ARHGEF15: variants seen among roughly 807,000 people sequenced by gnomAD.
The protein encoded by ARHGEF15 is Rho guanine nucleotide exchange factor (GEF) 15.
ARHGEF15 carries 58 observed loss-of-function variants against 79.7 expected under a neutral mutation model. The observed-to-expected ratio is 0.73, with a 90% confidence interval of 0.59 to 0.91. The LOEUF (loss-of-function observed/expected upper bound fraction) is 0.91. ARHGEF15 is among the 40% of genes least tolerant of loss of function. The pLI, the probability that ARHGEF15 is intolerant of heterozygous loss-of-function variation, is 0.00. For missense variants in ARHGEF15, 1,012 were observed against 1,108.1 expected (o/e 0.91, Z 1.23); for synonymous variants, 442 against 456.0 (o/e 0.97, Z 0.39).
Position 8,315,257 on chromosome 17 carries a change from C to G in ARHGEF15, c.1240C>G (p.Gln414Glu). 1 of 1,613,244 alleles carries G rather than the reference C, an allele frequency of 6.2e-7. No individual in the cohort carries two copies. The highest frequency in any genetic ancestry group is 8.5e-7 in the Non-Finnish European group (1 of 1,179,896). ...CGGTCTTCTGGATACCCTCAGCCCC[C>G]AGGAGAGGCGCATGCAGGAGGTGGG... ...ASGLLDTLSP[Q>E]ERRMQESLFE... The change falls in exon 6 of 16, where the codon CAG becomes GAG. Residue 414 changes from glutamine to glutamate, a missense_variant. Transcript: ENST00000361926. The surrounding 1 kb of genome is among the most constrained non-coding windows in gnomAD (Gnocchi z 4.3).
chr17:8,312,561 T>A lies in ARHGEF15; in HGVS notation c.522T>A (p.Gly174=). ...RAQDADAPEP[G]LQARADVNGE... is the part of the protein sequence containing the mutation. ...AGGATGCAGATGCCCCGGAGCCAGG[T>A]CTCCAAGCGAGAGCAGATGTGAATG... The change falls in exon 2 of 16, where the codon GGT becomes GGA. Residue 174 remains glycine (G), a synonymous_variant. Transcript: ENST00000361926. 1 of 1,608,262 alleles carries A rather than the reference T, an allele frequency of 6.2e-7. No homozygotes were observed. Among genetic ancestry groups the A allele is most frequent in the Non-Finnish European group, 8.5e-7 (1 of 1,176,864 alleles).
Position 8,320,868 on chromosome 17 carries a change from T to G in ARHGEF15, c.2401T>G (p.Phe801Val). 1 of 1,613,168 alleles carries G rather than the reference T, an allele frequency of 6.2e-7. No individual in the cohort carries two copies. The highest frequency in any genetic ancestry group is 8.5e-7 in the Non-Finnish European group (1 of 1,179,892). Residue 801 changes from phenylalanine (F) to valine (V), a missense_variant, in exon 16 of 16, where the codon TTC becomes GTC. By Grantham distance (50) the Phe-to-Val change is conservative. This residue lies in a region of ARHGEF15 where 132 missense variants were observed against 124.2 expected (regional missense o/e 1.06). Coordinates refer to ENST00000361926, the MANE Select transcript of ARHGEF15 (RefSeq NM_173728.4). ...TTGGCTGAAGGGGCTTCCTGGGGCC[T>G]TCCCTGCCCAGCTGGTGTGTGAAGT... ...EGWLKGLPGAFPAQLVCEVTG... is the reference protein window; with the variant it reads ...EGWLKGLPGAVPAQLVCEVTG...
chr17:8,316,415 C>G (rs544538842), intron 9 of ARHGEF15, among the ~76,000 whole-genome samples: 68 of 152,306 alleles, frequency 4.5e-4, no homozygotes, highest in African/African-American at 1.6e-3. Flanking sequence ...CCACACCTAG[C>G]TCTGCCACTG....
At chr17:8,310,939 G>C (rs2151633469) in intron 1 of ARHGEF15, 1 of 152,364 alleles carries the variant, frequency 6.6e-6, no homozygotes, top group East Asian at 1.9e-4. Flanking sequence ...TACCCGAGAG[G>C]GGGTGGGATC....
chr17:8,315,920 G>C lies in ARHGEF15; in HGVS notation c.1574+13G>C. On this transcript the variant is annotated intron_variant, in intron 8 of 15. Transcript: ENST00000361926. This position sits in a 1 kb window ranked among gnomAD's most constrained non-coding sequence, Gnocchi z 4.3. ...ACAGCCGCCTCATGTGAGTGTCCCA[G>C]GGGTGGGGAGGAAGCTGGGGAGAGG... 2 of 1,607,008 alleles carry C rather than the reference G, an allele frequency of 1.2e-6. No homozygotes were observed. Among genetic ancestry groups the C allele is most frequent in the Non-Finnish European group, 1.7e-6 (2 of 1,179,794 alleles).
chr17:8,315,954 C>T lies in ARHGEF15; in HGVS notation c.1574+47C>T. 1 of 1,601,520 alleles carries T rather than the reference C, an allele frequency of 6.2e-7. No homozygotes were observed. Among genetic ancestry groups the T allele is most frequent in the Non-Finnish European group, 8.5e-7 (1 of 1,178,284 alleles). On this transcript the variant is annotated intron_variant, in intron 8 of 15. Coordinates refer to ENST00000361926, the MANE Select transcript of ARHGEF15 (RefSeq NM_173728.4). The surrounding 1 kb of genome is among the most constrained non-coding windows in gnomAD (Gnocchi z 4.3). ...AGGAAGCTGGGGAGAGGGATGGGAC[C>T]GAGGCCACAGCAGGTTGGGGCACCA... is the stretch of plus-strand genomic sequence containing the variant.
rs1269682242 is a variant in ARHGEF15, at chr17:8,310,348, A to T, written c.-50+5A>T. The T allele has an allele frequency of 1.3e-5, 2 of 152,174 alleles. No individual in the cohort carries two copies. Among genetic ancestry groups the T allele is most frequent in the Non-Finnish European group, 2.9e-5 (2 of 68,068 alleles). The allele number at this position is 152,174 out of a possible 1,614,324, so 9.4% of individuals were successfully genotyped here. The stretch of plus-strand genomic sequence containing the variant: ...ACTGGTTCCAAAAAGATAAAGGTAA[A>T]TTCATGGGGACCTACTGCAGAGTTA... On this transcript the variant is annotated splice_donor_5th_base_variant and intron_variant, in intron 1 of 15. Transcript: ENST00000361926.
Position 8,318,970 on chromosome 17 carries a change from C to A in ARHGEF15, c.2034-37C>A. The stretch of plus-strand genomic sequence containing the variant: ...GTGGGCAGGAGGGGTCCAGCGGGAC[C>A]CCTGCTGTCCTTCTGAACGACCTCA... On this transcript the variant is annotated intron_variant, in intron 12 of 15. Transcript: ENST00000361926. The surrounding 1 kb of genome is among the most constrained non-coding windows in gnomAD (Gnocchi z 5.0). The A allele has an allele frequency of 1.2e-6, 2 of 1,609,630 alleles. No homozygotes were observed. The highest frequency in any genetic ancestry group is 2.2e-5 in the East Asian group (1 of 44,812).
Position 8,312,250 on chromosome 17 carries a change from A to G in ARHGEF15, c.211A>G (p.Lys71Glu). The change falls in exon 2 of 16, where the codon AAG becomes GAG. Residue 71 changes from lysine to glutamate, a missense_variant. Transcript: ENST00000361926. The part of the protein sequence containing the change: ...IFWEPPAASL[K>E]PPALLPPSAS... ...CTGGGAGCCCCCAGCTGCATCCCTC[A>G]AGCCCCCTGCTCTTTTGCCCCCCTC... 7.1e-7 allele frequency: 1 copy of G among 1,412,200 alleles called. No individual in the cohort carries two copies. Among genetic ancestry groups the G allele is most frequent in the Non-Finnish European group, 9.5e-7 (1 of 1,055,136 alleles). The allele number at this position is 1,412,200 out of a possible 1,614,324, so 87.5% of individuals were successfully genotyped here.
In ARHGEF15 at chr17:8,318,384, C is replaced by T; in HGVS notation, c.1705-3C>T. The T allele has an allele frequency of 6.2e-7, 1 of 1,613,546 alleles. No individual in the cohort carries two copies. Among genetic ancestry groups the T allele is most frequent in the Non-Finnish European group, 8.5e-7 (1 of 1,179,904 alleles). The stretch of plus-strand genomic sequence containing the variant: ...CCCAGTCACCCTTCCTCCTTGTCCC[C>T]AGAATATCCTGCGCCAGACAGAAGA... On this transcript the variant is annotated splice_region_variant and splice_polypyrimidine_tract_variant and intron_variant, in intron 9 of 15. Transcript: ENST00000361926. This position sits in a 1 kb window ranked among gnomAD's most constrained non-coding sequence, Gnocchi z 5.0.
chr17:8,319,793 G>A (rs1199087277), intron 15 of ARHGEF15, among the ~76,000 whole-genome samples, 190 bp downstream of exon 15: 1 of 152,052 alleles, frequency 6.6e-6, no homozygotes, highest in Admixed American at 6.6e-5. Context: ...CCACCACCAC[G>A]TCTGGCTAAT....
At chr17:8,311,819 C>T (rs1305200572) in intron 1 of ARHGEF15, among the ~76,000 whole-genome samples, 172 bp from the exon 2 acceptor site, 4 of 152,038 alleles carry the variant, frequency 2.6e-5, no homozygotes, top group Non-Finnish European at 2.9e-5. Flanking sequence ...CACGGACACA[C>T]GGTTCAGTGG....
intron 1 of ARHGEF15, among the ~76,000 whole-genome samples, chr17:8,310,566 G>T (rs146786663): frequency 1.9e-4 from 29 of 152,038 alleles, no homozygotes; most frequent in African/African-American, 6.5e-4. Context: ...TGCCATTGCC[G>T]TCTTGTCCTC....
In ARHGEF15 at chr17:8,319,373, G is replaced by C; in HGVS notation, c.2248G>C (p.Asp750His). The part of the protein sequence containing the change: ...PTPGPLPCSP[D>H]TIYEDCDCSQ... Reference sequence around the variant, plus strand: ...CCCAGGCCCCCTTCCCTGCTCCCCAGACACCATCTATGAGGACTGTGGTGA... The same window carrying C: ...CCCAGGCCCCCTTCCCTGCTCCCCACACACCATCTATGAGGACTGTGGTGA... Residue 750 changes from aspartate (D) to histidine (H), a missense_variant, in exon 14 of 16, where the codon GAC (aspartate) becomes CAC (histidine). By Grantham distance (81) the Asp-to-His change is moderately conservative (BLOSUM62 -1). Transcript: ENST00000361926. 1 of 1,614,022 alleles carries C rather than the reference G, an allele frequency of 6.2e-7. No individual in the cohort carries two copies. Among genetic ancestry groups the C allele is most frequent in the Non-Finnish European group, 8.5e-7 (1 of 1,179,990 alleles).
In ARHGEF15 at chr17:8,320,935, A is replaced by G; in HGVS notation, c.2468A>G (p.Gln823Arg). 6.2e-7 allele frequency: 1 copy of G among 1,614,026 alleles called. No individual in the cohort carries two copies. The highest frequency in any genetic ancestry group is 2.2e-5 in the East Asian group (1 of 44,876). Reference sequence around the variant, plus strand: ...AGGAGGAGGCACCTTCGCCAGAACCAGAGGCTTCTCGAGGCTGTTGGATCT... The same window carrying G: ...AGGAGGAGGCACCTTCGCCAGAACCGGAGGCTTCTCGAGGCTGTTGGATCT... ...HERRRHLRQN[Q>R]RLLEAVGSSS... The change falls in exon 16 of 16, where the codon CAG (glutamine) becomes CGG (arginine). Residue 823 changes from glutamine to arginine, a missense_variant. Physicochemically the swap from Gln to Arg is conservative, Grantham distance 43. This residue lies in a region of ARHGEF15 where 132 missense variants were observed against 124.2 expected (regional missense o/e 1.06). Coordinates refer to ENST00000361926, the MANE Select transcript of ARHGEF15 (RefSeq NM_173728.4).
At position 8,317,649 on chromosome 17, in the gene ARHGEF15, G is replaced by A. The variant is rs141504605; in HGVS notation, c.1705-738G>A. ...TAGACATGAGAAAGCTAAGGCACAG[G>A]TCACATAACTTGCCTCAGGTCATAC... On this transcript the variant is annotated intron_variant, in intron 9 of 15. Transcript: ENST00000361926. 7.9e-5 allele frequency among the ~76,000 whole-genome samples: 12 copies of A among 152,276 alleles called. No homozygotes were observed. The East Asian group carries it at 2.3e-3, about 29-fold the overall frequency.
intron 1 of ARHGEF15, 121 bp from the exon 2 acceptor site, chr17:8,311,870 A>G (rs867286945): frequency 3.8e-5 from 23 of 601,292 alleles, no homozygotes; most frequent in African/African-American, 3.6e-4. Context: ...AGTTTTATGG[A>G]TTCTCTGGAA....
chr17:8,312,535 CA>C lies in ARHGEF15; in HGVS notation c.497del (p.Gln166ArgfsTer16). 2 of 1,610,002 alleles carry C rather than the reference CA, an allele frequency of 1.2e-6. No individual in the cohort carries two copies. The highest frequency in any genetic ancestry group is 1.7e-6 in the Non-Finnish European group (2 of 1,177,934). On this transcript the variant is annotated frameshift_variant, in exon 2 of 16. Coordinates refer to ENST00000361926, the MANE Select transcript of ARHGEF15 (RefSeq NM_173728.4). LOFTEE classifies it high-confidence loss of function. ...RFEGGAEGRAQDADAPEPGLQ... is the reference protein window; with the variant it reads ...RFEGGAEGRAXDADAPEPGLQ... ...TGAAGGGGGTGCTGAAGGCCGGGCT[CA>C]GGATGCAGATGCCCCGGAGCCAGGT...
chr17:8,318,406 A>G lies in ARHGEF15; in HGVS notation c.1724A>G (p.Glu575Gly). The change falls in exon 10 of 16, where the codon GAA becomes GGA. Residue 575 changes from glutamate (E) to glycine (G), a missense_variant. Coordinates refer to ENST00000361926, the MANE Select transcript of ARHGEF15 (RefSeq NM_173728.4). This position sits in a 1 kb window ranked among gnomAD's most constrained non-coding sequence, Gnocchi z 5.0. ...MLLQNILRQT[E>G]EGSSRQENAQ... ...CCCCAGAATATCCTGCGCCAGACAG[A>G]AGAGGGGTCCAGCCGTCAGGAGAAT... 6.2e-7 allele frequency: 1 copy of G among 1,614,042 alleles called. No individual in the cohort carries two copies. Among genetic ancestry groups the G allele is most frequent in the African/African-American group, 1.3e-5 (1 of 75,044 alleles).
Sources: gnomAD v4.1 joint callset for allele counts (sites outside exome capture counted in the v4.1 genomes callset) on GRCh38, gnomAD v4.1.1 for gene constraint, gnomAD v4.1.1 regional missense constraint, Gnocchi (gnomAD v3.1) non-coding constraint, MANE v1.5 for transcripts, NCBI Gene and HGNC (gene_info 2026-07-23, HGNC 2026-07-21) for gene names.